Variants in NRDC observed in about 807,000 individuals in gnomAD.
NRDC encodes nardilysin.
NRDC carries 54 observed loss-of-function variants against 147.1 expected under a neutral mutation model. The observed-to-expected ratio is 0.37, with a 90% CI of 0.29 to 0.46. The LOEUF (loss-of-function observed/expected upper bound fraction) is 0.46, where lower values mean the gene tolerates loss of function less well. Ranked by LOEUF, NRDC falls within the 20% of genes least tolerant of loss-of-function variation. NRDC has a pLI of 1.00. For synonymous variants in NRDC, 440 were observed against 482.1 expected (o/e 0.91, Z 1.14); for missense variants, 1,082 against 1,370.6 (o/e 0.79, Z 3.33).
chr1:51,818,160 A>T, intron 9 of NRDC, 25 bp from the exon 10 acceptor site: 1 of 1,514,206 alleles, frequency 6.6e-7, no homozygotes, highest in South Asian at 1.2e-5. Flanking sequence ...TTTCCAGAAG[A>T]ACAGATGTAA....
intron 1 of NRDC, among the ~76,000 whole-genome samples, chr1:51,844,966 T>C (rs991476149): frequency 1.2e-4 from 19 of 152,174 alleles, no homozygotes; most frequent in Non-Finnish European, 1.8e-4. Flanking sequence ...TTTGATATTT[T>C]GTTATGGCAG....
chr1:51,862,288 C>T (rs1006054532), intron 1 of NRDC: 1 of 152,164 alleles, frequency 6.6e-6, no homozygotes, highest in Non-Finnish European at 1.5e-5. Flanking sequence ...GAAGCAGTGG[C>T]TCATGCCTGT....
Position 51,801,690 on chromosome 1 carries a change from T to C in NRDC, c.2314-1007A>G, listed in dbSNP as rs118185285. On this transcript the variant is annotated intron_variant, in intron 20 of 30. Coordinates refer to ENST00000352171, the MANE Select transcript of NRDC (RefSeq NM_001101662.2). ...AACCTCTAAAACAATAACAGAATAATAGAGATGATTGTGGATTATTCTTGG... is the reference window on the plus strand; with the variant it reads ...AACCTCTAAAACAATAACAGAATAACAGAGATGATTGTGGATTATTCTTGG... 8.9e-3 allele frequency among the ~76,000 whole-genome samples: 1,352 copies of C among 152,280 alleles called. 33 individuals are homozygous for C. In the South Asian group the frequency reaches 0.094, roughly 11 times the overall value.
In NRDC at chr1:51,789,337, G is replaced by A. The variant is rs2149179817; in HGVS notation, c.3355C>T (p.Pro1119Ser). The stretch of plus-strand genomic sequence containing the variant: ...CAATCTGCCAGCAGAGGAGAGGTTG[G>A]CAGGTAGGTCAGCTGCATCACTTCA... ...SCEVMQLTYLPTSPLLADCII... is the reference protein window; with the variant it reads ...SCEVMQLTYLSTSPLLADCII... Residue 1119 changes from proline (P) to serine (S), a missense_variant, in exon 31 of 31, where the codon CCA (proline) becomes TCA (serine). Transcript: ENST00000352171. The A allele has an allele frequency of 6.2e-7, 1 of 1,614,152 alleles. No homozygotes were observed. The highest frequency in any genetic ancestry group is 1.6e-4 in the Middle Eastern group (1 of 6,062).
At chr1:51,820,893 G>C (rs764261000) in intron 8 of NRDC, among the ~76,000 whole-genome samples, 1 of 152,066 alleles carries the variant, frequency 6.6e-6, no homozygotes, top group African/African-American at 2.4e-5. Context: ...GTAACAAAAA[G>C]GTAGCAGTAA....
chr1:51,845,191 ACT>A (rs948175050), intron 1 of NRDC, among the ~76,000 whole-genome samples: 1 of 151,984 alleles, frequency 6.6e-6, no homozygotes, highest in Non-Finnish European at 1.5e-5. Context: ...CTGCCAACAG[ACT>A]CTCAGTCCAG....
chr1:51,799,129 A>T (rs1011538750), intron 21 of NRDC: 1 of 151,888 alleles, frequency 6.6e-6, no homozygotes, highest in African/African-American at 2.4e-5. Context: ...ATTTTTATAA[A>T]TAAATAAAGT....
chr1:51,820,270 A>G (rs1410537709), intron 8 of NRDC, among the ~76,000 whole-genome samples: 3 of 152,192 alleles, frequency 2.0e-5, no homozygotes, highest in African/African-American at 7.2e-5. Context: ...GGTATAAAGC[A>G]CTATATTAGG....
chr1:51,837,046 T>G (rs1012344207), intron 2 of NRDC, among the ~76,000 whole-genome samples: 2 of 151,228 alleles, frequency 1.3e-5, no homozygotes, highest in African/African-American at 4.9e-5. Flanking sequence ...CCTCTCAAAG[T>G]GCTGGGATTA....
intron 2 of NRDC, chr1:51,837,594 C>T (rs1418245648): frequency 6.4e-7 from 1 of 1,572,378 alleles, no homozygotes; most frequent in Admixed American, 1.7e-5. Context: ...TCAGCTTTGA[C>T]CACAGCAAAA....
rs2149223094 is a variant in NRDC at position 51,840,434 on chromosome 1, G to A, written c.422C>T (p.Thr141Ile). 1 of 1,608,288 alleles carries A rather than the reference G, an allele frequency of 6.2e-7. No homozygotes were observed. ...CACCTCCTCTTCTTCTTCATCATCTGTTGTATTTCCTGTTTTACCTTCCAT... is the reference window on the plus strand; with the variant it reads ...CACCTCCTCTTCTTCTTCATCATCTATTGTATTTCCTGTTTTACCTTCCAT... ...SNMEGKTGNT[T>I]DDEEEEEVEE... The change falls in exon 2 of 31, where the codon ACA (threonine) becomes ATA (isoleucine). Residue 141 changes from threonine to isoleucine, a missense_variant. Thr to Ile is a moderately conservative substitution (Grantham distance 89). Around this residue, in one of 3 missense-constraint regions of NRDC, gnomAD observed 260 missense variants for 253.2 expected, o/e 1.03. Coordinates refer to ENST00000352171, the MANE Select transcript of NRDC (RefSeq NM_001101662.2).
intron 13 of NRDC, 100 bp from the exon 14 acceptor site, chr1:51,814,189 G>GCCCA (rs1679853765): frequency 2.7e-6 from 2 of 738,696 alleles, no homozygotes; most frequent in Non-Finnish European, 4.7e-6. Context: ...GGTAACTATT[G>GCCCA]GGTAGTAGGC....
intron 3 of NRDC, 88 bp from the exon 4 acceptor site, chr1:51,834,258 C>A: frequency 7.4e-7 from 1 of 1,358,454 alleles, no homozygotes; most frequent in East Asian, 2.3e-5. Context: ...CATAGAAAAA[C>A]TGAAAGAAAA....
chr1:51,869,274 A>G (rs1385922014), intron 1 of NRDC, among the ~76,000 whole-genome samples: 2 of 152,120 alleles, frequency 1.3e-5, no homozygotes, highest in African/African-American at 4.8e-5. Context: ...CTTTTTATCT[A>G]AAGTTCCTTC....
chr1:51,854,787 AAG>A (rs1426863274), intron 1 of NRDC, among the ~76,000 whole-genome samples: 5 of 152,214 alleles, frequency 3.3e-5, no homozygotes, highest in Admixed American at 3.3e-4. Flanking sequence ...CAAGGAAGTT[AAG>A]AGTCACAAGA....
chr1:51,841,009 T>C lies in NRDC; in HGVS notation c.342-495A>G, dbSNP rs117346555. Among the ~76,000 whole-genome samples the C allele has an allele frequency of 2.1e-3, 324 of 152,346 alleles. 9 individuals are homozygous for C. The East Asian group carries it at 0.058, about 27-fold the overall frequency. ...TTTCTTTTCTATAAAATGTTTGACA[T>C]ATCAGTCTCCAAAGCTGCCTTTATG... On this transcript the variant is annotated intron_variant, in intron 1 of 30. Transcript: ENST00000352171.
intron 1 of NRDC, among the ~76,000 whole-genome samples, chr1:51,857,400 C>G (rs1343122001): frequency 1.3e-5 from 2 of 152,162 alleles, no homozygotes; most frequent in African/African-American, 4.8e-5. Flanking sequence ...CTCTCTGAAC[C>G]TATTCTGGTT....
chr1:51,832,536 G>T (rs958034810), intron 4 of NRDC, among the ~76,000 whole-genome samples: 1 of 152,142 alleles, frequency 6.6e-6, no homozygotes, highest in African/African-American at 2.4e-5. Flanking sequence ...CTGCTCTGAA[G>T]GAGCTTACAT....
chr1:51,862,824 G>A (rs1197255844), intron 1 of NRDC, among the ~76,000 whole-genome samples: 1 of 149,508 alleles, frequency 6.7e-6, no homozygotes, highest in Non-Finnish European at 1.5e-5. Flanking sequence ...GAGACCAGCT[G>A]GACAACAAAA....
Sources: allele counts gnomAD v4.1 joint callset (sites outside exome capture counted in the v4.1 genomes callset), GRCh38; gene constraint gnomAD v4.1.1; regional missense constraint gnomAD v4.1.1; transcripts MANE v1.5; gene names NCBI Gene and HGNC (gene_info 2026-07-23, HGNC 2026-07-21).